ZNF200: variants seen among roughly 807,000 people sequenced by gnomAD.
ZNF200 encodes the protein zinc finger protein 200.
ZNF200 carries 35 observed loss-of-function variants against 33.6 expected under a neutral mutation model. The observed-to-expected ratio is 1.04, with a 90% confidence interval of 0.80 to 1.38. The LOEUF is 1.38. ZNF200 is among the 40% of genes most tolerant of loss of function. ZNF200 has a pLI of 0.00. For synonymous variants in ZNF200, 209 were observed against 167.7 expected (o/e 1.25, Z -1.90); for missense variants, 592 against 470.6 (o/e 1.26, Z -2.39).
intron 1 of ZNF200, 118 bp from the exon 2 acceptor site, chr16:3,233,954 G>T: frequency 2.8e-6 from 2 of 701,978 alleles, no homozygotes; most frequent in East Asian, 3.1e-5. Context: ...GCTGGGATAG[G>T]GAAATCATAA....
intron 4 of ZNF200, chr16:3,226,144 C>T (rs1958465694): frequency 6.7e-6 from 1 of 150,098 alleles, no homozygotes; most frequent in Non-Finnish European, 1.5e-5. Context: ...GCTCCGCCTC[C>T]TGGGTTCACT....
At chr16:3,230,223 G>T (rs1783008632) in intron 4 of ZNF200, among the ~76,000 whole-genome samples, 1 of 151,160 alleles carries the variant, frequency 6.6e-6, no homozygotes, top group Admixed American at 6.6e-5. Flanking sequence ...ACAGCCTACA[G>T]AAAACTGTGA....
intron 4 of ZNF200, among the ~76,000 whole-genome samples, chr16:3,229,917 C>CAAAA (rs1383363509): frequency 1.3e-5 from 2 of 151,726 alleles, no homozygotes; most frequent in Non-Finnish European, 2.9e-5. Context: ...AACTCTGTCT[C>CAAAA]AAAAAAATAA....
In ZNF200 at chr16:3,232,485, A is replaced by G; in HGVS notation, c.402T>C (p.Asp134=). The G allele has an allele frequency of 6.2e-7, 1 of 1,614,106 alleles. No individual in the cohort carries two copies. Among genetic ancestry groups the G allele is most frequent in the Non-Finnish European group, 8.5e-7 (1 of 1,180,002 alleles). The part of the protein sequence containing the change: ...FHCQEECVSL[D]PTQQLTSEKE... ...TCTCTGACGTGAGTTGTTGAGTAGGATCCAAGCTCACACATTCTTCCTGGC... is the reference window on the plus strand; with the variant it reads ...TCTCTGACGTGAGTTGTTGAGTAGGGTCCAAGCTCACACATTCTTCCTGGC... Residue 134 remains aspartate, a synonymous_variant, in exon 4 of 5, where the codon GAT becomes GAC. Coordinates refer to ENST00000414144, the MANE Select transcript of ZNF200 (RefSeq NM_198088.3).
intron 1 of ZNF200, 112 bp from the exon 2 acceptor site, chr16:3,233,948 G>C (rs1328237615): frequency 1.3e-6 from 1 of 755,944 alleles, no homozygotes; most frequent in Non-Finnish European, 2.0e-6. Flanking sequence ...ACGACAGCTG[G>C]GATAGGGAAA....
intron 4 of ZNF200, 27 bp downstream of exon 4, chr16:3,232,394 G>C: frequency 1.9e-6 from 3 of 1,609,430 alleles, no homozygotes; most frequent in Non-Finnish European, 2.5e-6. Context: ...CAAACAACCT[G>C]AACACACAAA....
Position 3,223,881 on chromosome 16 carries a change from G to C in ZNF200, c.*11C>G, listed in dbSNP as rs1404884909. 5.0e-6 allele frequency: 8 copies of C among 1,597,014 alleles called. No individual in the cohort carries two copies. Among genetic ancestry groups the C allele is most frequent in the East Asian group, 4.5e-5 (2 of 44,750 alleles). ...AGGCAGCACCATCAGACCCAGAAAG[G>C]GTTCCCAGTATTACTTCTGCTTTCG... On this transcript the variant is annotated 3_prime_UTR_variant, in exon 5 of 5. Coordinates refer to ENST00000414144, the MANE Select transcript of ZNF200 (RefSeq NM_198088.3).
rs752359318 is a variant in ZNF200, at chr16:3,223,957, G to A, written c.1123C>T (p.Arg375Trp). ...TCATGCCGGGTACAGTTTGACAGCCGACCAAATCTTCTCCCACATTTTTTG... is the reference window on the plus strand; with the variant it reads ...TCATGCCGGGTACAGTTTGACAGCCAACCAAATCTTCTCCCACATTTTTTG... The part of the protein sequence containing the change: ...GCKKCGRRFG[R>W]LSNCTRHEKT... The change falls in exon 5 of 5, where the codon CGG (arginine) becomes TGG (tryptophan). Residue 375 changes from arginine (R) to tryptophan (W), a missense_variant. By Grantham distance (101) the Arg-to-Trp change is moderately radical. Transcript: ENST00000414144. 25 of 1,614,008 alleles carry A rather than the reference G, an allele frequency of 1.5e-5. No homozygotes were observed. The highest frequency in any genetic ancestry group is 3.3e-4 in the Middle Eastern group (2 of 6,062).
At chr16:3,232,006 AAT>A (rs1265633895) in intron 4 of ZNF200, among the ~76,000 whole-genome samples, 1 of 152,248 alleles carries the variant, frequency 6.6e-6, no homozygotes, top group East Asian at 1.9e-4. Context: ...TACTTTCACC[AAT>A]AGTGGAATAT....
rs915523084 is a variant in ZNF200 at position 3,222,398 on chromosome 16, T to C, written c.*1494A>G. On this transcript the variant is annotated 3_prime_UTR_variant, in exon 5 of 5. Coordinates refer to ENST00000414144, the MANE Select transcript of ZNF200 (RefSeq NM_198088.3). The stretch of plus-strand genomic sequence containing the variant: ...TTAACAGAACTAAACCAACAAACTA[T>C]TGAAAATTAACAACAGTGAGATGAC... The C allele has an allele frequency of 3.3e-5, 5 of 152,134 alleles. No individual in the cohort carries two copies. Among genetic ancestry groups the C allele is most frequent in the South Asian group, 2.1e-4 (1 of 4,834 alleles). The allele number at this position is 152,134 out of a possible 1,614,324, so 9.4% of individuals were successfully genotyped here. A position where few individuals can be genotyped will look rare whatever the true frequency, so the allele number is the denominator to read the frequency against.
chr16:3,229,647 C>G (rs1958582618), intron 4 of ZNF200, among the ~76,000 whole-genome samples: 1 of 152,066 alleles, frequency 6.6e-6, no homozygotes, highest in African/African-American at 2.4e-5. Flanking sequence ...GGGCAGATCA[C>G]AAGGTCAGGA....
In ZNF200 at chr16:3,223,375, A is replaced by G. The variant is rs1049984366; in HGVS notation, c.*517T>C. ...TATTCCAAAGTAAACAATTCCTTTC[A>G]ACACTCAAGACTTAAACAGGTATTC... On this transcript the variant is annotated 3_prime_UTR_variant, in exon 5 of 5. Coordinates refer to ENST00000414144, the MANE Select transcript of ZNF200 (RefSeq NM_198088.3). 2 of 152,586 alleles carry G rather than the reference A, an allele frequency of 1.3e-5. No individual in the cohort carries two copies. Among genetic ancestry groups the G allele is most frequent in the African/African-American group, 4.8e-5 (2 of 41,484 alleles). 9.5% of individuals were successfully genotyped at this position (152,586 alleles called of 1,614,324 possible). A position where few individuals can be genotyped will look rare whatever the true frequency, so the allele number is the denominator to read the frequency against.
In ZNF200 at chr16:3,233,508, C is replaced by G. The variant is rs762806837; in HGVS notation, c.248G>C (p.Arg83Thr). Residue 83 changes from arginine to threonine, a missense_variant and splice_region_variant, in exon 2 of 5, where the codon AGA (arginine) becomes ACA (threonine). By Grantham distance (71) the Arg-to-Thr change is moderately conservative. Coordinates refer to ENST00000414144, the MANE Select transcript of ZNF200 (RefSeq NM_198088.3). ...TGAAACAAGCATGTGCTTCTCACCTCTGTTCTGAAGGCTTGAGCTCACATC... is the reference window on the plus strand; with the variant it reads ...TGAAACAAGCATGTGCTTCTCACCTGTGTTCTGAAGGCTTGAGCTCACATC... ...MKDVSSSLQN[R>T]VHPRPLVKLL... The G allele has an allele frequency of 4.5e-6, 7 of 1,539,010 alleles. No homozygotes were observed. Among genetic ancestry groups the G allele is most frequent in the East Asian group, 4.6e-5 (2 of 43,522 alleles).
Position 3,224,581 on chromosome 16 carries a change from G to A in ZNF200, c.499C>T (p.Pro167Ser). The A allele has an allele frequency of 1.9e-6, 3 of 1,606,082 alleles. No homozygotes were observed. The highest frequency in any genetic ancestry group is 3.3e-4 in the Middle Eastern group (2 of 6,030). Reference protein sequence around the residue: ...VNGSNPEGEDPEREPVENEDY... With the variant: ...VNGSNPEGEDSEREPVENEDY... ...TCATTTTCTACAGGTTCCCTCTCAG[G>A]ATCTTCACCTTCAGGATTACTGCCA... Residue 167 changes from proline to serine, a missense_variant, in exon 5 of 5, where the codon CCT becomes TCT. Pro to Ser is a moderately conservative substitution (Grantham distance 74). Transcript: ENST00000414144.
At position 3,223,822 on chromosome 16, in the gene ZNF200, G is replaced by T. The variant is rs1453814879; in HGVS notation, c.*70C>A. On this transcript the variant is annotated 3_prime_UTR_variant, in exon 5 of 5. Transcript: ENST00000414144. ...ATTTATACCTTTTTAGGCAGCTTGG[G>T]AATTCAGAACTACTTATGAAAGCTC... 5 of 1,511,442 alleles carry T rather than the reference G, an allele frequency of 3.3e-6. No individual in the cohort carries two copies. The allele number at this position is 1,511,442 out of a possible 1,614,324, so 93.6% of individuals were successfully genotyped here.
At chr16:3,232,372 C>G in intron 4 of ZNF200, 49 bp downstream of exon 4, 1 of 1,595,618 alleles carries the variant, frequency 6.3e-7, no homozygotes, top group Non-Finnish European at 8.5e-7. Context: ...GAAGGACATG[C>G]TTTTCCCAAA....
chr16:3,233,445 CCTAT>C (rs879142938), intron 2 of ZNF200, 57 bp downstream of exon 2: 2 of 1,484,742 alleles, frequency 1.3e-6, no homozygotes, highest in Admixed American at 2.4e-5. Flanking sequence ...AACACAGAAA[CCTAT>C]CTTAGACTCC....
chr16:3,232,990 G>T, intron 2 of ZNF200, 69 bp from the exon 3 acceptor site: 1 of 1,399,930 alleles, frequency 7.1e-7, no homozygotes, highest in South Asian at 1.2e-5. Context: ...CCCATACCGC[G>T]AGGCCAGGCT....
At chr16:3,234,878 C>G (rs1297556654) in intron 1 of ZNF200, 109 bp downstream of exon 1, 1 of 152,322 alleles carries the variant, frequency 6.6e-6, no homozygotes, top group African/African-American at 2.4e-5. Context: ...GCGCCCCTGC[C>G]TGAGGCGCTC....
Sources: gnomAD v4.1 joint callset for allele counts (sites outside exome capture counted in the v4.1 genomes callset) on GRCh38, gnomAD v4.1.1 for gene constraint, MANE v1.5 for transcripts, NCBI Gene and HGNC (gene_info 2026-07-23, HGNC 2026-07-21) for gene names.